The following MIA3 variants were observed in gnomAD, a reference collection of about 807,000 sequenced individuals.
MIA3 encodes the protein transport and Golgi organization protein 1 homolog.
A neutral mutation model predicts 192.4 loss-of-function variants in MIA3; 90 were observed. That is an observed-to-expected ratio of 0.47 (90% CI 0.39 to 0.56). The LOEUF is 0.56. Among genes scored for constraint, MIA3 ranks in the 20% least tolerant of loss-of-function variants. The probability of loss-of-function intolerance (pLI) is 0.00; values close to 1 mark genes in which losing one functional copy is unlikely to be tolerated. For missense variants in MIA3, 2,123 were observed against 2,269.4 expected (o/e 0.94, Z 1.31); for synonymous variants, 740 against 792.8 (o/e 0.93, Z 1.12).
intron 6 of MIA3, among the ~76,000 whole-genome samples, chr1:222,639,056 T>C (rs1408481013): frequency 6.6e-6 from 1 of 152,122 alleles, no homozygotes. Flanking sequence ...AGATCACCAA[T>C]AGCAGCAATC....
chr1:222,660,052 A>G, intron 23 of MIA3, 46 bp downstream of exon 23: 2 of 1,588,564 alleles, frequency 1.3e-6, no homozygotes, highest in African/African-American at 1.4e-5. Context: ...TTTTTGATGT[A>G]AAATGTATAT....
intron 4 of MIA3, among the ~76,000 whole-genome samples, chr1:222,631,916 A>G (rs922229560): frequency 6.6e-6 from 1 of 152,196 alleles, no homozygotes; most frequent in Non-Finnish European, 1.5e-5. Flanking sequence ...CCAAGGAAAG[A>G]TGTTACTGAA....
chr1:222,645,587 G>T lies in MIA3; in HGVS notation c.3511G>T (p.Gly1171Trp). Reference sequence around the variant, plus strand: ...TACATTGCCTGATGATGTTCAGCCTGGGCCTGATTTTTATGGACTGCCATG... The same window carrying T: ...TACATTGCCTGATGATGTTCAGCCTTGGCCTGATTTTTATGGACTGCCATG... ...VATLPDDVQP[G>W]PDFYGLPWKP... The change falls in exon 7 of 28, where the codon GGG (glycine) becomes TGG (tryptophan). Residue 1171 changes from glycine to tryptophan, a missense_variant. Physicochemically the swap from Gly to Trp is radical, Grantham distance 184. Around this residue, in one of 3 missense-constraint regions of MIA3, gnomAD observed 1,357 missense variants for 1,396.1 expected, o/e 0.97. Transcript: ENST00000344922. 1 of 1,613,138 alleles carries T rather than the reference G, an allele frequency of 6.2e-7. No homozygotes were observed. The highest frequency in any genetic ancestry group is 8.5e-7 in the Non-Finnish European group (1 of 1,179,446).
rs189566529 is a variant in MIA3 at position 222,659,625 on chromosome 1, G to A, written c.4774G>A (p.Ala1592Thr). 3,914 of 1,613,740 alleles carry A rather than the reference G, an allele frequency of 2.4e-3. 8 individuals are homozygous for A. The highest frequency in any genetic ancestry group is 3.1e-3 in the Non-Finnish European group (3,606 of 1,179,836). The change falls in exon 21 of 28, where the codon GCT becomes ACT. Residue 1592 changes from alanine (A) to threonine (T), a missense_variant. Around this residue, in one of 3 missense-constraint regions of MIA3, gnomAD observed 762 missense variants for 856.4 expected, o/e 0.89. Transcript: ENST00000344922. ...TGTGATGTATTATCTTTTTCAGATC[G>A]CTACCCATGAGAAGAAAGCTCATGA... The part of the protein sequence containing the change: ...KTERSFKNQI[A>T]THEKKAHENW...
chr1:222,644,024 C>T (rs574599042), intron 6 of MIA3, among the ~76,000 whole-genome samples: 2 of 152,304 alleles, frequency 1.3e-5, no homozygotes, highest in East Asian at 3.9e-4. Flanking sequence ...GGGCCAGCTC[C>T]GGGCCGGCAC....
chr1:222,654,664 A>C lies in MIA3; in HGVS notation c.4478A>C (p.Lys1493Thr), dbSNP rs1194600993. 1 of 1,614,052 alleles carries C rather than the reference A, an allele frequency of 6.2e-7. No homozygotes were observed. The highest frequency in any genetic ancestry group is 1.1e-5 in the South Asian group (1 of 91,080). Residue 1493 changes from lysine (K) to threonine (T), a missense_variant, in exon 18 of 28, where the codon AAG (lysine) becomes ACG (threonine). Transcript: ENST00000344922. ...STKCNLEDQV[K>T]KLEDDRNSLQ... Reference sequence around the variant, plus strand: ...GTTTTATCCTTTACAGACCAGGTAAAGAAATTGGAAGATGACCGCAACTCA... The same window carrying C: ...GTTTTATCCTTTACAGACCAGGTAACGAAATTGGAAGATGACCGCAACTCA...
Position 222,621,139 on chromosome 1 carries a change from TTC to T in MIA3, c.134-12_134-11del. On this transcript the variant is annotated intron_variant, in intron 1 of 27. Transcript: ENST00000344922. Reference sequence around the variant, plus strand: ...GAATCCTGATATCTGGCTATTTTTTTTCTCTCTCTTTATATACAGTGTTAATG... The same window carrying T: ...GAATCCTGATATCTGGCTATTTTTTTTCTCTCTTTATATACAGTGTTAATG... The T allele has an allele frequency of 1.9e-6, 3 of 1,574,114 alleles. No homozygotes were observed. Among genetic ancestry groups the T allele is most frequent in the Non-Finnish European group, 2.6e-6 (3 of 1,164,274 alleles).
rs917027718 is a variant in MIA3 at position 222,633,397 on chromosome 1, T to G, written c.3477+148T>G. 4 of 698,194 alleles carry G rather than the reference T, an allele frequency of 5.7e-6. No individual in the cohort carries two copies. The South Asian group carries it at 8.0e-5, about 14-fold the overall frequency. 43.2% of individuals were successfully genotyped at this position (698,194 alleles called of 1,614,324 possible). ...GAGACCCTGAAATGAGCCACAGGTG[T>G]GTGGCTTTAATGGGCTCTTAGTTCA... On this transcript the variant is annotated intron_variant, in intron 6 of 27. Coordinates refer to ENST00000344922, the MANE Select transcript of MIA3 (RefSeq NM_198551.4).
intron 6 of MIA3, among the ~76,000 whole-genome samples, chr1:222,637,268 G>T (rs896441013): frequency 2.6e-5 from 4 of 152,116 alleles, no homozygotes; most frequent in African/African-American, 9.7e-5. Flanking sequence ...TATATTTCCT[G>T]GGAATTGATA....
intron 7 of MIA3, among the ~76,000 whole-genome samples, chr1:222,647,222 G>C (rs544211137): frequency 1.3e-5 from 2 of 152,222 alleles, no homozygotes; most frequent in South Asian, 2.1e-4. Flanking sequence ...TTGCCTTTCA[G>C]ACTTAAACAT....
At position 222,659,477 on chromosome 1, in the gene MIA3, T is replaced by C. The variant is rs1362782008; in HGVS notation, c.4734T>C (p.Asp1578=). Residue 1578 remains aspartate (D), a synonymous_variant, in exon 20 of 28, where the codon GAT becomes GAC. Coordinates refer to ENST00000344922, the MANE Select transcript of MIA3 (RefSeq NM_198551.4). ...TYKRRIEEME[D]ELQKTERSFK... is the part of the protein sequence containing the mutation. ...GGCGGAGAATTGAAGAAATGGAGGA[T>C]GAATTACAGAAGACAGAGCGGTCAT... 4.3e-6 allele frequency: 7 copies of C among 1,613,906 alleles called. No homozygotes were observed. The South Asian group carries it at 6.6e-5, about 15-fold the overall frequency.
chr1:222,625,318 CT>C (rs1662064171), intron 3 of MIA3, among the ~76,000 whole-genome samples: 1 of 152,172 alleles, frequency 6.6e-6, no homozygotes, highest in Non-Finnish European at 1.5e-5. Flanking sequence ...GCCGTGTACT[CT>C]TATACAAGGC....
Position 222,618,118 on chromosome 1 carries a change from C to A in MIA3, c.8C>A (p.Ala3Glu), listed in dbSNP as rs867904392. The change falls in exon 1 of 28, where the codon GCG (alanine) becomes GAG (glutamate). Residue 3 changes from alanine to glutamate, a missense_variant. Ala to Glu is a moderately radical substitution (Grantham distance 107). This residue lies in a region of MIA3 where 1,357 missense variants were observed against 1,396.1 expected (regional missense o/e 0.97). Coordinates refer to ENST00000344922, the MANE Select transcript of MIA3 (RefSeq NM_198551.4). ...CCCCGAGGTGACCACAACATGGCTGCGGCGCCTGGGCTGCTCGTCTGGCTG... is the reference window on the plus strand; with the variant it reads ...CCCCGAGGTGACCACAACATGGCTGAGGCGCCTGGGCTGCTCGTCTGGCTG... MA[A>E]APGLLVWLLV... 1 of 1,486,678 alleles carries A rather than the reference C, an allele frequency of 6.7e-7. No homozygotes were observed. The highest frequency in any genetic ancestry group is 1.2e-5 in the South Asian group (1 of 80,412). The allele number at this position is 1,486,678 out of a possible 1,614,324, so 92.1% of individuals were successfully genotyped here. A position where few individuals can be genotyped will look rare whatever the true frequency, so the allele number is the denominator to read the frequency against.
intron 13 of MIA3, among the ~76,000 whole-genome samples, 196 bp from the exon 14 acceptor site, chr1:222,652,812 C>T (rs1299736052): frequency 6.6e-6 from 1 of 152,184 alleles, no homozygotes; most frequent in Admixed American, 6.5e-5. Flanking sequence ...AGATCAATTT[C>T]CTTGATAGCT....
In MIA3 at chr1:222,628,224, A is replaced by G. The variant is rs1337155173; in HGVS notation, c.1004A>G (p.Asp335Gly). 4 of 1,614,130 alleles carry G rather than the reference A, an allele frequency of 2.5e-6. No homozygotes were observed. The highest frequency in any genetic ancestry group is 2.2e-5 in the South Asian group (2 of 91,088). ...GAGTTGCCATTACTTACCTTTACAG[A>G]TGGGGAAGATATGAAAACTCCAGCA... is the stretch of plus-strand genomic sequence containing the variant. ...FDELPLLTFT[D>G]GEDMKTPAKS... The change falls in exon 4 of 28, where the codon GAT becomes GGT. Residue 335 changes from aspartate (D) to glycine (G), a missense_variant. This residue lies in a region of MIA3 where 1,357 missense variants were observed against 1,396.1 expected (regional missense o/e 0.97). Transcript: ENST00000344922.
At chr1:222,654,817 T>G (rs765286473) in intron 18 of MIA3, 24 bp downstream of exon 18, 6 of 1,597,712 alleles carry the variant, frequency 3.8e-6, no homozygotes, top group Non-Finnish European at 5.1e-6. Flanking sequence ...CATTTACTGT[T>G]AACTGTATTG....
At chr1:222,662,582 T>G (rs1321669763) in intron 26 of MIA3, 4 of 966,770 alleles carry the variant, frequency 4.1e-6, no homozygotes, top group Non-Finnish European at 5.5e-6. Flanking sequence ...ATGGCAATAT[T>G]GATCTTACTT....
intron 3 of MIA3, among the ~76,000 whole-genome samples, chr1:222,626,584 G>A (rs1005654832): frequency 2.6e-5 from 4 of 152,106 alleles, no homozygotes; most frequent in Non-Finnish European, 4.4e-5. Context: ...GTGGAGGAAG[G>A]GAAAAATACA....
In MIA3 at chr1:222,628,100, A is replaced by G; in HGVS notation, c.880A>G (p.Arg294Gly). The G allele has an allele frequency of 1.2e-6, 2 of 1,614,096 alleles. No homozygotes were observed. The highest frequency in any genetic ancestry group is 1.7e-6 in the Non-Finnish European group (2 of 1,180,038). The stretch of plus-strand genomic sequence containing the variant: ...ACTTGTATCTGATGATGAGACAACC[A>G]GACTCGTTACTTCATTAGAAGATGA... ...DALVSDDETT[R>G]LVTSLEDDFD... Residue 294 changes from arginine (R) to glycine (G), a missense_variant, in exon 4 of 28, where the codon AGA becomes GGA. Transcript: ENST00000344922.
Sources: gnomAD v4.1 joint callset for allele counts (sites outside exome capture counted in the v4.1 genomes callset) on GRCh38, gnomAD v4.1.1 for gene constraint, gnomAD v4.1.1 regional missense constraint, MANE v1.5 for transcripts, NCBI Gene and HGNC (gene_info 2026-07-23, HGNC 2026-07-21) for gene names.